The following ROBO2 variants were observed in gnomAD, a reference collection of about 807,000 sequenced individuals.
The protein encoded by ROBO2 is roundabout homolog 2.
Under a neutral mutation model 160.8 loss-of-function variants are expected in ROBO2, and 53 were observed. That is an observed-to-expected ratio of 0.33 (90% confidence interval 0.26 to 0.41). The LOEUF (loss-of-function observed/expected upper bound fraction) is 0.41, where lower values mean the gene tolerates loss of function less well. ROBO2 is among the 10% of genes least tolerant of loss of function. The probability of loss-of-function intolerance (pLI) is 1.00; values close to 1 mark genes in which losing one functional copy is unlikely to be tolerated. For missense variants in ROBO2, 1,577 were observed against 1,722.4 expected (o/e 0.92, Z 1.49); for synonymous variants, 664 against 611.7 (o/e 1.09, Z -1.26).
intron 2 of ROBO2, among the ~76,000 whole-genome samples, chr3:76,807,929 A>G (rs2064863649): frequency 2.0e-5 from 3 of 152,084 alleles, no homozygotes; most frequent in African/African-American, 7.2e-5. Context: ...AGGATTTATT[A>G]TTATTTTACA....
In ROBO2 at chr3:77,112,667, T is replaced by G. The variant is rs558573324; in HGVS notation, c.388+14327T>G. The stretch of plus-strand genomic sequence containing the variant: ...CGTTCCTACCCGGCACCTCAAGAAC[T>G]ATTCTCCCAAAGAGAGAATACATTT... On this transcript the variant is annotated intron_variant, in intron 2 of 25. Coordinates refer to ENST00000461745, the Ensembl canonical transcript of ROBO2. Among the ~76,000 whole-genome samples the G allele has an allele frequency of 3.9e-5, 6 of 152,294 alleles. No individual in the cohort carries two copies. The South Asian group carries it at 1.2e-3, about 32-fold the overall frequency.
chr3:77,277,036 G>C (rs921655803), intron 2 of ROBO2, among the ~76,000 whole-genome samples: 1 of 152,000 alleles, frequency 6.6e-6, no homozygotes, highest in African/African-American at 2.4e-5. Context: ...TATGGGTGCG[G>C]ACACAGTCAA....
chr3:76,564,797 T>C (rs1245138816), intron 2 of ROBO2, among the ~76,000 whole-genome samples: 1 of 152,370 alleles, frequency 6.6e-6, no homozygotes, highest in East Asian at 1.9e-4. Flanking sequence ...GTAAATGTAC[T>C]GGTTTAAGAG....
At chr3:76,622,307 A>ACGG (rs2089271471) in intron 2 of ROBO2, among the ~76,000 whole-genome samples, 1 of 108,922 alleles carries the variant, frequency 9.2e-6, no homozygotes, top group Non-Finnish European at 2.0e-5. Flanking sequence ...AGAAAGAAAG[A>ACGG]AAGAAAACAT....
intron 2 of ROBO2, among the ~76,000 whole-genome samples, chr3:77,153,368 A>G (rs2077703327): frequency 6.6e-6 from 1 of 152,096 alleles, no homozygotes; most frequent in African/African-American, 2.4e-5. Flanking sequence ...AAATATGGTC[A>G]TTAAGTGAAT....
chr3:77,067,131 C>G (rs2066942748), intron 1 of ROBO2, among the ~76,000 whole-genome samples: 2 of 151,844 alleles, frequency 1.3e-5, no homozygotes, highest in Non-Finnish European at 2.9e-5. Flanking sequence ...ATTTCAAAAA[C>G]TGTCTGTACT....
intron 2 of ROBO2, among the ~76,000 whole-genome samples, chr3:77,030,031 C>T (rs1246602539): frequency 3.9e-5 from 6 of 151,944 alleles, no homozygotes; most frequent in East Asian, 1.9e-4. Flanking sequence ...CTGCAAGCTC[C>T]GCCTCCCAGT....
chr3:76,293,625 G>A (rs1195562884), intron 2 of ROBO2, among the ~76,000 whole-genome samples: 1 of 152,214 alleles, frequency 6.6e-6, no homozygotes, highest in Non-Finnish European at 1.5e-5. Context: ...CCGTTAGCTA[G>A]CAGATATTGC....
At chr3:77,313,757 T>C (rs963416647) in intron 2 of ROBO2, among the ~76,000 whole-genome samples, 1 of 152,108 alleles carries the variant, frequency 6.6e-6, no homozygotes, top group African/African-American at 2.4e-5. Flanking sequence ...GCTAATTTTG[T>C]ATTTTTAGTA....
At chr3:76,406,183 A>G (rs577105967) in intron 2 of ROBO2, among the ~76,000 whole-genome samples, 10 of 151,822 alleles carry the variant, frequency 6.6e-5, no homozygotes, top group African/African-American at 2.4e-4. Context: ...TTTTCCCTTT[A>G]TTGTCAAGTT....
chr3:76,225,167 G>A (rs1704205819), intron 2 of ROBO2, among the ~76,000 whole-genome samples: 1 of 152,082 alleles, frequency 6.6e-6, no homozygotes, highest in South Asian at 2.1e-4. Flanking sequence ...CTCACTGAGG[G>A]TCTATAACAA....
At chr3:76,007,353 C>A (rs1576456370) in intron 2 of ROBO2, among the ~76,000 whole-genome samples, 1 of 152,098 alleles carries the variant, frequency 6.6e-6, no homozygotes, top group Non-Finnish European at 1.5e-5. Context: ...TAAAACACAG[C>A]TTCCAGGTAA....
Position 76,697,635 on chromosome 3 carries a change from A to T in ROBO2, c.110-400379A>T, listed in dbSNP as rs564196747. On this transcript the variant is annotated intron_variant, in intron 2 of 26. Coordinates refer to the ROBO2 transcript ENST00000487694. The stretch of plus-strand genomic sequence containing the variant: ...CACTCCAGCCTGGGCGACAGAGTGA[A>T]ACCCTGTCTCAAAAAAGAACAAAAA... 2.8e-3 allele frequency among the ~76,000 whole-genome samples: 425 copies of T among 152,124 alleles called. 2 individuals carry two copies. Among genetic ancestry groups the T allele is most frequent in the African/African-American group, 9.4e-3 (391 of 41,526 alleles).
At chr3:77,606,435 A>G (rs1467397362) in intron 20 of ROBO2, among the ~76,000 whole-genome samples, 1 of 152,144 alleles carries the variant, frequency 6.6e-6, no homozygotes, top group Non-Finnish European at 1.5e-5. Context: ...CTTGTCCTCT[A>G]AGCAAAAGAT....
At chr3:77,354,014 T>A (rs2068713237) in intron 2 of ROBO2, among the ~76,000 whole-genome samples, 1 of 152,208 alleles carries the variant, frequency 6.6e-6, no homozygotes, top group African/African-American at 2.4e-5. Context: ...AATTGCACTT[T>A]GAAATTATGC....
chr3:76,942,771 C>T (rs1197853746), intron 2 of ROBO2, among the ~76,000 whole-genome samples: 1 of 152,060 alleles, frequency 6.6e-6, no homozygotes, highest in Non-Finnish European at 1.5e-5. Context: ...CATTTCAGTT[C>T]CCTTAACTGT....
At chr3:76,262,296 C>CTT (rs966903866) in intron 2 of ROBO2, among the ~76,000 whole-genome samples, 3 of 148,546 alleles carry the variant, frequency 2.0e-5, no homozygotes, top group Non-Finnish European at 4.5e-5. Context: ...ACGAGCTTTG[C>CTT]TTTTTTTTTT....
intron 2 of ROBO2, among the ~76,000 whole-genome samples, chr3:76,201,975 A>T (rs1430379949): frequency 1.3e-5 from 2 of 151,958 alleles, no homozygotes; most frequent in Non-Finnish European, 2.9e-5. Context: ...TGCTAATAAA[A>T]CGCCAAACAA....
rs147103952 is a variant in ROBO2 at position 77,244,602 on chromosome 3, A to G, written c.388+146262A>G. Among the ~76,000 whole-genome samples, 364 of 152,264 alleles carry G rather than the reference A, an allele frequency of 2.4e-3. 3 individuals carry two copies. Among genetic ancestry groups the G allele is most frequent in the African/African-American group, 8.4e-3 (349 of 41,546 alleles). On this transcript the variant is annotated intron_variant, in intron 2 of 25. Coordinates refer to ENST00000461745, the Ensembl canonical transcript of ROBO2. Reference sequence around the variant, plus strand: ...TTTTAGAAAATCCCAACTTAAGGCCAGGCGCGGTGGCTCATGCCTGTAATC... The same window carrying G: ...TTTTAGAAAATCCCAACTTAAGGCCGGGCGCGGTGGCTCATGCCTGTAATC...
Sources: gnomAD v4.1 joint callset for allele counts (sites outside exome capture counted in the v4.1 genomes callset) on GRCh38, gnomAD v4.1.1 for gene constraint, MANE v1.5 for transcripts, NCBI Gene and HGNC (gene_info 2026-07-23, HGNC 2026-07-21) for gene names.